NFAT5: variants seen among roughly 807,000 people sequenced by gnomAD.
The protein encoded by NFAT5 is nuclear factor of activated T-cells 5.
Under a neutral mutation model 166.5 loss-of-function variants are expected in NFAT5, and 31 were observed. That is an observed-to-expected ratio of 0.19 (90% CI 0.14 to 0.25). The LOEUF is 0.25. Ranked by LOEUF, NFAT5 falls within the 10% of genes least tolerant of loss-of-function variation. NFAT5 has a pLI of 1.00. For synonymous variants in NFAT5, 612 were observed against 639.7 expected, an observed-to-expected ratio of 0.96 and a Z score of 0.65; for missense variants, 1,449 against 1,821.8, an observed-to-expected ratio of 0.80 and a Z score of 3.72.
chr16:69,685,872 C>G (rs1201429641), intron 11 of NFAT5: 2 of 152,050 alleles, frequency 1.3e-5, no homozygotes, highest in Non-Finnish European at 2.9e-5. Flanking sequence ...ATGGAGAAAC[C>G]CATTCTCTAC....
At chr16:69,651,693 G>T (rs1329782630) in intron 4 of NFAT5, among the ~76,000 whole-genome samples, 3 of 141,918 alleles carry the variant, frequency 2.1e-5, no homozygotes, top group Non-Finnish European at 4.5e-5. Flanking sequence ...TTTTTGAGAC[G>T]GAGTTTTGCT....
At chr16:69,696,168 T>C (rs2037760172) in intron 14 of NFAT5, among the ~76,000 whole-genome samples, 192 bp from the exon 15 acceptor site, 1 of 152,196 alleles carries the variant, frequency 6.6e-6, no homozygotes, top group Non-Finnish European at 1.5e-5. Context: ...GTACTATATA[T>C]TGGATATAAC....
chr16:69,642,536 C>G (rs915983712), intron 3 of NFAT5, among the ~76,000 whole-genome samples: 5 of 151,924 alleles, frequency 3.3e-5, no homozygotes, highest in African/African-American at 1.2e-4. Context: ...TAAAATTATT[C>G]TAGCCCAGGC....
Position 69,682,817 on chromosome 16 carries a change from A to C in NFAT5, c.1691-2070A>C, listed in dbSNP as rs192624015. Reference sequence around the variant, plus strand: ...CCTACTGTGAAGCATACTAAGATAAATTATTTAACTTCATTCTCAGGAGAT... The same window carrying C: ...CCTACTGTGAAGCATACTAAGATAACTTATTTAACTTCATTCTCAGGAGAT... On this transcript the variant is annotated intron_variant, in intron 10 of 14. Coordinates refer to ENST00000349945, the MANE Select transcript of NFAT5 (RefSeq NM_138713.4). 2.2e-3 allele frequency among the ~76,000 whole-genome samples: 339 copies of C among 152,296 alleles called. 2 individuals are homozygous for C. The highest frequency in any genetic ancestry group is 5.8e-3 in the South Asian group (28 of 4,826).
chr16:69,695,415 T>C (rs780297719), intron 14 of NFAT5, 36 bp downstream of exon 14: 4 of 1,413,002 alleles, frequency 2.8e-6, no homozygotes, highest in Admixed American at 3.4e-5. Flanking sequence ...TTGAAAAGCA[T>C]CAGATTTTAT....
rs1210378926 is a variant in NFAT5, at chr16:69,704,438, T to C, written c.*8087T>C. The C allele has an allele frequency of 1.3e-5, 2 of 152,672 alleles. No homozygotes were observed. Among genetic ancestry groups the C allele is most frequent in the East Asian group, 1.9e-4 (1 of 5,200 alleles). The allele number at this position is 152,672 out of a possible 1,614,324, so 9.5% of individuals were successfully genotyped here. ...TGCAATGATATAAGGGTTACATTTT[T>C]GTGTATATGGCTTTCATAGTTGGGA... On this transcript the variant is annotated 3_prime_UTR_variant, in exon 15 of 15. Coordinates refer to ENST00000349945, the MANE Select transcript of NFAT5 (RefSeq NM_138713.4).
intron 3 of NFAT5, among the ~76,000 whole-genome samples, chr16:69,636,386 C>T (rs960217884): frequency 2.6e-5 from 4 of 152,184 alleles, no homozygotes. Context: ...GACATTGGCC[C>T]TCTCCTCACA....
chr16:69,677,117 A>T, intron 9 of NFAT5, 86 bp from the exon 10 acceptor site: 1 of 1,291,482 alleles, frequency 7.7e-7, no homozygotes, highest in Non-Finnish European at 1.1e-6. Flanking sequence ...TTTAAACTTT[A>T]CAGCTAACAG....
intron 7 of NFAT5, among the ~76,000 whole-genome samples, chr16:69,662,368 AGAGTTTTATGTGATTG>A (rs767807587): frequency 6.6e-6 from 1 of 152,176 alleles, no homozygotes; most frequent in Non-Finnish European, 1.5e-5. Flanking sequence ...GGAAATAAAA[AGAGTTTTATGTGATTG>A]GAATAAAAAG....
At chr16:69,682,666 A>G (rs1445718708) in intron 10 of NFAT5, among the ~76,000 whole-genome samples, 1 of 152,146 alleles carries the variant, frequency 6.6e-6, no homozygotes, top group Non-Finnish European at 1.5e-5. Context: ...CATGATTTAT[A>G]AGTAGAAATT....
In NFAT5 at chr16:69,642,442, T is replaced by A. The variant is rs2035253708; in HGVS notation, c.254-4586T>A. 2.0e-5 allele frequency among the ~76,000 whole-genome samples: 3 copies of A among 152,368 alleles called. No homozygotes were observed. The Middle Eastern group carries it at 0.01, about 518-fold the overall frequency. The stretch of plus-strand genomic sequence containing the variant: ...AAAATAATCTGACATTATAAATTTC[T>A]ATGAGTAAATTATAGAATGGTCTAT... On this transcript the variant is annotated intron_variant, in intron 3 of 14. Coordinates refer to ENST00000349945, the MANE Select transcript of NFAT5 (RefSeq NM_138713.4).
chr16:69,620,892 A>G (rs1431541455), intron 2 of NFAT5, among the ~76,000 whole-genome samples: 1 of 152,238 alleles, frequency 6.6e-6, no homozygotes, highest in East Asian at 1.9e-4. Context: ...GAAAAGTCAT[A>G]TCTTTGTTCA....
Position 69,692,393 on chromosome 16 carries a change from G to T in NFAT5, c.2568G>T (p.Gln856His), listed in dbSNP as rs778781328. The T allele has an allele frequency of 1.2e-6, 2 of 1,614,230 alleles. No homozygotes were observed. Among genetic ancestry groups the T allele is most frequent in the Non-Finnish European group, 1.7e-6 (2 of 1,180,038 alleles). The change falls in exon 13 of 15, where the codon CAG becomes CAT. Residue 856 changes from glutamine to histidine, a missense_variant. By Grantham distance (24) the Gln-to-His change is conservative (BLOSUM62 0). This residue lies in a region of NFAT5 where 891 missense variants were observed against 993.0 expected (regional missense o/e 0.90). Transcript: ENST00000349945. ...ADIFQQVSQI[Q>H]SGVSPGMFSS... ...TTTTTCAACAAGTCAGTCAAATTCAGAGTGGTGTAAGCCCTGGAATGTTTT... is the reference window on the plus strand; with the variant it reads ...TTTTTCAACAAGTCAGTCAAATTCATAGTGGTGTAAGCCCTGGAATGTTTT...
chr16:69,643,217 C>CAA (rs34260614), intron 3 of NFAT5, among the ~76,000 whole-genome samples: 3,511 of 88,738 alleles, frequency 0.04, 168 homozygotes, highest in African/African-American at 0.14. Flanking sequence ...GAGTCCCTCT[C>CAA]AAAAAAAAAA....
rs149738655 is a variant in NFAT5, at chr16:69,566,046, T to TC, written c.-251dup. On this transcript the variant is annotated 5_prime_UTR_variant, in exon 1 of 15. Coordinates refer to ENST00000349945, the MANE Select transcript of NFAT5 (RefSeq NM_138713.4). The surrounding 1 kb of genome is among the most constrained non-coding windows in gnomAD (Gnocchi z 5.7). ...AAACACGAAACGGACCCTTTGGCTCTCCCCCTTCCCCTTCCCCGTCCTGAA... is the reference window on the plus strand; with the variant it reads ...AAACACGAAACGGACCCTTTGGCTCTCCCCCCTTCCCCTTCCCCGTCCTGAA... The TC allele has an allele frequency of 0.21, 96,411 of 451,590 alleles. 12,075 individuals are homozygous for TC. Among genetic ancestry groups the TC allele is most frequent in the East Asian group, 0.38 (8,219 of 21,776 alleles). 28.0% of individuals were successfully genotyped at this position (451,590 alleles called of 1,614,324 possible). A position where few individuals can be genotyped will look rare whatever the true frequency, so the allele number is the denominator to read the frequency against.
At chr16:69,657,910 C>A (rs1175401913) in intron 6 of NFAT5, among the ~76,000 whole-genome samples, 3 of 151,006 alleles carry the variant, frequency 2.0e-5, no homozygotes, top group Non-Finnish European at 4.4e-5. Context: ...ATGGTGAAAC[C>A]CCGTCTCTAC....
At chr16:69,592,233 C>A (rs669696) in intron 2 of NFAT5, among the ~76,000 whole-genome samples, 52,495 of 151,372 alleles carry the variant, frequency 0.35, 9,796 homozygotes, top group Non-Finnish European at 0.42. Context: ...GCACCCACCA[C>A]CACGCCTGGA....
intron 3 of NFAT5, chr16:69,632,332 C>G (rs1214201508): frequency 1.3e-5 from 2 of 152,176 alleles, no homozygotes; most frequent in Admixed American, 6.5e-5. Context: ...CACAATCCTT[C>G]TAGCCATAAA....
In NFAT5 at chr16:69,693,972, C is replaced by T; in HGVS notation, c.4147C>T (p.Pro1383Ser). ...TCAGATTCAGTTGGTACAAGGGTCA[C>T]CTAGTTCTCAAGAGCAGCAAGTAAC... ...SPQIQLVQGS[P>S]SSQEQQVTLF... Residue 1383 changes from proline to serine, a missense_variant, in exon 13 of 15, where the codon CCT becomes TCT. By Grantham distance (74) the Pro-to-Ser change is moderately conservative (BLOSUM62 -1). Around this residue, in one of 7 missense-constraint regions of NFAT5, gnomAD observed 891 missense variants for 993.0 expected, o/e 0.90. Transcript: ENST00000349945. The T allele has an allele frequency of 6.2e-7, 1 of 1,614,196 alleles. No individual in the cohort carries two copies. The highest frequency in any genetic ancestry group is 1.6e-4 in the Middle Eastern group (1 of 6,062).
Sources: allele counts gnomAD v4.1 joint callset (sites outside exome capture counted in the v4.1 genomes callset), GRCh38; gene constraint gnomAD v4.1.1; regional missense constraint gnomAD v4.1.1; non-coding constraint Gnocchi (gnomAD v3.1); transcripts MANE v1.5; gene names NCBI Gene and HGNC (gene_info 2026-07-23, HGNC 2026-07-21).